The following PRKN variants were observed in gnomAD, a reference collection of about 807,000 sequenced individuals.
PRKN encodes parkin RBR E3 ubiquitin protein ligase, also known as E3 ubiquitin-protein ligase parkin.
PRKN carries 56 observed loss-of-function variants against 59.5 expected under a neutral mutation model. The observed-to-expected ratio is 0.94, with a 90% confidence interval of 0.76 to 1.18. The LOEUF is 1.18. Among genes scored for constraint, PRKN ranks in the 50% most tolerant of loss-of-function variants. The pLI is 0.00. For missense variants in PRKN, 657 were observed against 596.4 expected (o/e 1.10, Z -1.06); for synonymous variants, 250 against 222.1 (o/e 1.13, Z -1.12).
Position 161,420,645 on chromosome 6 carries a change from G to A in PRKN, c.1084-33768C>T, listed in dbSNP as rs531202592. On this transcript the variant is annotated intron_variant, in intron 9 of 11. Coordinates refer to ENST00000366898, the MANE Select transcript of PRKN (RefSeq NM_004562.3). ...CTCCCACCTCAGCGTCCTGAGCTGG[G>A]ACCACAGGCACGCGCCACCATGCCT... 1.4e-4 allele frequency among the ~76,000 whole-genome samples: 21 copies of A among 152,108 alleles called. No homozygotes were observed. The South Asian group carries it at 4.4e-3, about 32-fold the overall frequency.
chr6:161,934,818 C>T lies in PRKN; in HGVS notation c.734+38484G>A, dbSNP rs149275832. ...ACAATTATTAATTTTAACTTCCCAA[C>T]ATTGAACCCCAAATTTAGATAAAAA... On this transcript the variant is annotated intron_variant, in intron 6 of 11. Coordinates refer to ENST00000366898, the MANE Select transcript of PRKN (RefSeq NM_004562.3). 6.1e-3 allele frequency among the ~76,000 whole-genome samples: 928 copies of T among 152,244 alleles called. 20 individuals are homozygous for T. Among genetic ancestry groups the T allele is most frequent in the African/African-American group, 0.019 (808 of 41,538 alleles).
intron 7 of PRKN, among the ~76,000 whole-genome samples, chr6:161,606,958 G>A (rs375147941): frequency 6.6e-5 from 10 of 152,290 alleles, no homozygotes; most frequent in Non-Finnish European, 1.2e-4. Context: ...CACAGCATGG[G>A]GGGGAGATGA....
At chr6:162,625,894 C>T (rs765040078) in intron 1 of PRKN, among the ~76,000 whole-genome samples, 2 of 152,154 alleles carry the variant, frequency 1.3e-5, no homozygotes, top group Non-Finnish European at 2.9e-5. Context: ...ACTCCAGTTA[C>T]TTCATTAGCA....
chr6:161,933,538 G>C (rs185403410), intron 6 of PRKN, among the ~76,000 whole-genome samples: 10 of 152,294 alleles, frequency 6.6e-5, no homozygotes, highest in African/African-American at 1.2e-4. Flanking sequence ...CCGTAGCTTA[G>C]TATTGTTATG....
Position 161,518,070 on chromosome 6 carries a change from A to T in PRKN, c.1083+30784T>A, listed in dbSNP as rs908158521. On this transcript the variant is annotated intron_variant, in intron 9 of 11. Transcript: ENST00000366898. The surrounding 1 kb of genome is among the most constrained non-coding windows in gnomAD (Gnocchi z 5.0). ...CAAGCTGGAGGGAGATTTGGCTTCT[A>T]TGAGGGCATGTGCGAGTCTAGCTCT... Among the ~76,000 whole-genome samples the T allele has an allele frequency of 2.6e-5, 4 of 152,204 alleles. No individual in the cohort carries two copies. Among genetic ancestry groups the T allele is most frequent in the African/African-American group, 9.6e-5 (4 of 41,456 alleles).
At chr6:161,604,247 C>A (rs1400186160) in intron 7 of PRKN, among the ~76,000 whole-genome samples, 1 of 152,026 alleles carries the variant, frequency 6.6e-6, no homozygotes, top group African/African-American at 2.4e-5. Flanking sequence ...TGAAACTAAA[C>A]AAGTTCTTGT....
chr6:161,680,781 T>TTTTTTTTTTG (rs1785328676), intron 7 of PRKN, among the ~76,000 whole-genome samples: 1 of 93,806 alleles, frequency 1.1e-5, no homozygotes, highest in Non-Finnish European at 2.1e-5. Context: ...ATATATTTTT[T>TTTTTTTTTTG]TTTTTTTTTC....
In PRKN at chr6:161,434,719, G is replaced by A. The variant is rs117938175; in HGVS notation, c.1084-47842C>T. Among the ~76,000 whole-genome samples, 1,210 of 152,220 alleles carry A rather than the reference G, an allele frequency of 7.9e-3. 13 individuals are homozygous for A. The highest frequency in any genetic ancestry group is 0.06 in the East Asian group (313 of 5,174). On this transcript the variant is annotated intron_variant, in intron 9 of 11. Coordinates refer to ENST00000366898, the MANE Select transcript of PRKN (RefSeq NM_004562.3). ...CACCTGTCTCTTCAGGATTATAGCT[G>A]AAGCAGGGAAAGAAAGCTCTTTGAA...
chr6:162,267,528 A>G (rs1019132046), intron 2 of PRKN, among the ~76,000 whole-genome samples: 1 of 152,212 alleles, frequency 6.6e-6, no homozygotes, highest in African/African-American at 2.4e-5. Context: ...TGTCTTATTT[A>G]TCTTTGTTTC....
intron 7 of PRKN, among the ~76,000 whole-genome samples, chr6:161,730,417 T>C (rs1787642561): frequency 6.6e-6 from 1 of 151,232 alleles, no homozygotes; most frequent in Non-Finnish European, 1.5e-5. Flanking sequence ...CTGCATTCTT[T>C]CTGATATGTT....
chr6:162,677,193 GT>G (rs936181893), intron 1 of PRKN, among the ~76,000 whole-genome samples: 25 of 151,740 alleles, frequency 1.6e-4, no homozygotes, highest in African/African-American at 5.3e-4. Flanking sequence ...AGCAGAATGA[GT>G]AGCAGCCACA....
rs371717748 is a variant in PRKN, at chr6:161,455,283, T to C, written c.1084-68406A>G. On this transcript the variant is annotated intron_variant, in intron 9 of 11. Transcript: ENST00000366898. ...TGAACTCCTGACCTTGTGATCCACC[T>C]GCCTCGGCCTCCTAAAGTGCTGGGA... Among the ~76,000 whole-genome samples, 8 of 152,164 alleles carry C rather than the reference T, an allele frequency of 5.3e-5. 1 individual carries two copies. Among genetic ancestry groups the C allele is most frequent in the African/African-American group, 1.9e-4 (8 of 41,544 alleles).
rs147294652 is a variant in PRKN, at chr6:162,103,788, G to A, written c.535-49614C>T. On this transcript the variant is annotated intron_variant, in intron 4 of 11. Transcript: ENST00000366898. Reference sequence around the variant, plus strand: ...CCTCAGACGGCAGATGAGAGTGGCAGTGTTTAGCACTGTCCCTTAGGAGAT... The same window carrying A: ...CCTCAGACGGCAGATGAGAGTGGCAATGTTTAGCACTGTCCCTTAGGAGAT... Among the ~76,000 whole-genome samples, 326 of 152,304 alleles carry A rather than the reference G, an allele frequency of 2.1e-3. 2 individuals are homozygous for A. Among genetic ancestry groups the A allele is most frequent in the African/African-American group, 7.6e-3 (314 of 41,568 alleles).
At chr6:162,555,131 T>G (rs538688096) in intron 1 of PRKN, among the ~76,000 whole-genome samples, 1 of 152,210 alleles carries the variant, frequency 6.6e-6, no homozygotes, top group African/African-American at 2.4e-5. Flanking sequence ...GGTAAATGAC[T>G]GGCAAAAGTC....
rs574175219 is a variant in PRKN at position 162,132,020 on chromosome 6, T to G, written c.534+69111A>C. Among the ~76,000 whole-genome samples the G allele has an allele frequency of 1.8e-4, 27 of 152,294 alleles. 2 individuals carry two copies. The South Asian group carries it at 5.4e-3, about 30-fold the overall frequency. Reference sequence around the variant, plus strand: ...CTGATCACTTACAGATAACATGCCATGACAGCTCATAGGATAAAGCATTAC... The same window carrying G: ...CTGATCACTTACAGATAACATGCCAGGACAGCTCATAGGATAAAGCATTAC... On this transcript the variant is annotated intron_variant, in intron 4 of 11. Coordinates refer to ENST00000366898, the MANE Select transcript of PRKN (RefSeq NM_004562.3).
intron 2 of PRKN, among the ~76,000 whole-genome samples, chr6:162,360,580 G>C (rs1272516054): frequency 6.6e-6 from 1 of 151,988 alleles, no homozygotes. Context: ...TAAGTCATTT[G>C]TTCTTTAAAA....
rs1778038746 is a variant in PRKN at position 161,503,572 on chromosome 6, T to C, written c.1083+45282A>G. Among the ~76,000 whole-genome samples, 1 of 152,152 alleles carries C rather than the reference T, an allele frequency of 6.6e-6. No homozygotes were observed. The highest frequency in any genetic ancestry group is 1.5e-5 in the Non-Finnish European group (1 of 68,014). ...ATTACCCTCATTTAACAGAGGTTTATGGAGGTGAGGGACTGGACTGAGGGG... is the reference window on the plus strand; with the variant it reads ...ATTACCCTCATTTAACAGAGGTTTACGGAGGTGAGGGACTGGACTGAGGGG... On this transcript the variant is annotated intron_variant, in intron 9 of 11. Coordinates refer to ENST00000366898, the MANE Select transcript of PRKN (RefSeq NM_004562.3). The surrounding 1 kb of genome is among the most constrained non-coding windows in gnomAD (Gnocchi z 5.1).
At chr6:162,324,600 G>A (rs1031515532) in intron 2 of PRKN, among the ~76,000 whole-genome samples, 8 of 151,886 alleles carry the variant, frequency 5.3e-5, no homozygotes, top group Admixed American at 2.6e-4. Context: ...CCACAGGTGC[G>A]CAGGGGGTCC....
At chr6:161,505,609 G>A (rs1020542981) in intron 9 of PRKN, among the ~76,000 whole-genome samples, 4 of 151,970 alleles carry the variant, frequency 2.6e-5, no homozygotes, top group Non-Finnish European at 5.9e-5. Flanking sequence ...CCGTGCCTAT[G>A]TCCTGAATGG....
Sources: gnomAD v4.1 joint callset for allele counts (sites outside exome capture counted in the v4.1 genomes callset) on GRCh38, gnomAD v4.1.1 for gene constraint, Gnocchi (gnomAD v3.1) non-coding constraint, MANE v1.5 for transcripts, NCBI Gene and HGNC (gene_info 2026-07-23, HGNC 2026-07-21) for gene names.